CD40: variants seen among roughly 807,000 people sequenced by gnomAD.
CD40 encodes the protein tumor necrosis factor receptor superfamily member 5.
CD40 carries 19 observed loss-of-function variants against 38.5 expected under a neutral mutation model. The ratio of observed to expected loss-of-function variants is 0.49; its 90% confidence interval spans 0.34 to 0.72. The LOEUF is 0.72. CD40 is among the 30% of genes least tolerant of loss of function. CD40 has a pLI of 0.01. For synonymous variants in CD40, 130 were observed against 128.7 expected, an observed-to-expected ratio of 1.01 and a Z score of -0.07; for missense variants, 256 against 344.1, an observed-to-expected ratio of 0.74 and a Z score of 2.03.
At chr20:46,124,925 C>T (rs1011795541) in intron 5 of CD40, among the ~76,000 whole-genome samples, 2 of 151,638 alleles carry the variant, frequency 1.3e-5, no homozygotes, top group Non-Finnish European at 2.9e-5. Flanking sequence ...CGCCACCACA[C>T]CCGGCTAATT....
chr20:46,122,996 G>A lies in CD40; in HGVS notation c.404-130G>A. On this transcript the variant is annotated intron_variant, in intron 4 of 8. Transcript: ENST00000372285. This position sits in a 1 kb window ranked among gnomAD's most constrained non-coding sequence, Gnocchi z 5.0. ...CTCCTGGGGACTGCAGCTGTCGGGG[G>A]CAGTACCACATCGGGGGAAGAGTGC... is the stretch of plus-strand genomic sequence containing the variant. The A allele has an allele frequency of 1.1e-6, 1 of 891,614 alleles. No homozygotes were observed. Among genetic ancestry groups the A allele is most frequent in the Non-Finnish European group, 1.9e-6 (1 of 539,056 alleles). The allele number at this position is 891,614 out of a possible 1,614,324, so 55.2% of individuals were successfully genotyped here.
Position 46,122,685 on chromosome 20 carries a change from G to A in CD40, c.332G>A (p.Cys111Tyr). Residue 111 changes from cysteine (C) to tyrosine (Y), a missense_variant, in exon 4 of 9, where the codon TGT (cysteine) becomes TAT (tyrosine). Transcript: ENST00000372285. This position sits in a 1 kb window ranked among gnomAD's most constrained non-coding sequence, Gnocchi z 5.0. ...TICTCEEGWH[C>Y]TSEACESCVL... ...TGCACCTGTGAAGAAGGCTGGCACT[G>A]TACGAGTGAGGCCTGTGAGAGCTGT... 1 of 1,614,172 alleles carries A rather than the reference G, an allele frequency of 6.2e-7. No individual in the cohort carries two copies. The highest frequency in any genetic ancestry group is 8.5e-7 in the Non-Finnish European group (1 of 1,180,042).
In CD40 at chr20:46,128,940, C is replaced by T. The variant is rs903736094; in HGVS notation, c.734C>T (p.Ser245Phe). The T allele has an allele frequency of 1.2e-6, 2 of 1,614,210 alleles. No individual in the cohort carries two copies. The highest frequency in any genetic ancestry group is 3.3e-5 in the Admixed American group (2 of 60,028). The part of the protein sequence containing the change: ...EINFPDDLPG[S>F]NTAAPVQETL... ...AATTTTCCCGACGATCTTCCTGGCT[C>T]CAACACTGCTGCTCCAGTGCAGGAG... is the stretch of plus-strand genomic sequence containing the variant. Residue 245 changes from serine (S) to phenylalanine (F), a missense_variant, in exon 9 of 9, where the codon TCC becomes TTC. Physicochemically the swap from Ser to Phe is radical, Grantham distance 155. Coordinates refer to ENST00000372285, the MANE Select transcript of CD40 (RefSeq NM_001250.6).
intron 1 of CD40, among the ~76,000 whole-genome samples, chr20:46,121,498 C>A (rs543936321): frequency 2.0e-5 from 3 of 152,182 alleles, no homozygotes; most frequent in Non-Finnish European, 4.4e-5. Context: ...CTGCTGGAGT[C>A]CCCATATCCT....
At chr20:46,125,312 G>A (rs1316094555) in intron 5 of CD40, among the ~76,000 whole-genome samples, 2 of 151,788 alleles carry the variant, frequency 1.3e-5, no homozygotes, top group Non-Finnish European at 1.5e-5. Context: ...TTGGGAGGCC[G>A]AGGAGGGCAG....
chr20:46,126,606 G>A (rs368862151), intron 5 of CD40, 34 bp from the exon 6 acceptor site: 9 of 1,613,058 alleles, frequency 5.6e-6, no homozygotes, highest in Admixed American at 1.7e-5. Context: ...TTCTTTCTCT[G>A]TGTGTGTGCA....
At chr20:46,127,747 TC>T (rs557163302) in intron 6 of CD40, among the ~76,000 whole-genome samples, 64 of 152,252 alleles carry the variant, frequency 4.2e-4, no homozygotes, top group African/African-American at 1.5e-3. Context: ...ATGCTAGACC[TC>T]GGCATTGGGC....
At chr20:46,127,249 C>G (rs184625371) in intron 6 of CD40, 1 of 154,838 alleles carries the variant, frequency 6.5e-6, no homozygotes, top group Non-Finnish European at 1.4e-5. Flanking sequence ...TGCCCTCGGG[C>G]GCAATATTTA....
chr20:46,121,746 A>G, intron 1 of CD40, 74 bp from the exon 2 acceptor site: 1 of 1,112,346 alleles, frequency 9.0e-7, no homozygotes, highest in Non-Finnish European at 1.4e-6. Context: ...GTCCTGGATG[A>G]CTTTTACCTT....
In CD40 at chr20:46,122,943, C is replaced by A; in HGVS notation, c.404-183C>A. 1.1e-6 allele frequency: 1 copy of A among 923,748 alleles called. No homozygotes were observed. The allele number at this position is 923,748 out of a possible 1,614,324, so 57.2% of individuals were successfully genotyped here. On this transcript the variant is annotated intron_variant, in intron 4 of 8. Coordinates refer to ENST00000372285, the MANE Select transcript of CD40 (RefSeq NM_001250.6). This position sits in a 1 kb window ranked among gnomAD's most constrained non-coding sequence, Gnocchi z 5.0. Reference sequence around the variant, plus strand: ...TCATTCTGCCTTCTGCCATGGGGATCTGCCTTTGAAGGGCAATGGGAGAAG... The same window carrying A: ...TCATTCTGCCTTCTGCCATGGGGATATGCCTTTGAAGGGCAATGGGAGAAG...
rs778942629 is a variant in CD40, at chr20:46,118,333, C to T, written c.-11C>T. 1.3e-5 allele frequency: 21 copies of T among 1,613,472 alleles called. No homozygotes were observed. The highest frequency in any genetic ancestry group is 2.2e-5 in the East Asian group (1 of 44,882). Reference sequence around the variant, plus strand: ...GCGCCCAGTGGTCCTGCCGCCTGGTCTCACCTCGCTATGGTTCGTCTGCCT... The same window carrying T: ...GCGCCCAGTGGTCCTGCCGCCTGGTTTCACCTCGCTATGGTTCGTCTGCCT... On this transcript the variant is annotated 5_prime_UTR_variant, in exon 1 of 9. Coordinates refer to ENST00000372285, the MANE Select transcript of CD40 (RefSeq NM_001250.6).
intron 5 of CD40, among the ~76,000 whole-genome samples, chr20:46,126,219 A>G (rs6074028): frequency 0.2 from 16,689 of 84,850 alleles, 1,156 homozygotes; most frequent in South Asian, 0.39. Flanking sequence ...CCACCCCCAC[A>G]CCCCCAGTAA....
At chr20:46,123,623 A>G (rs913632509) in intron 5 of CD40, among the ~76,000 whole-genome samples, 2 of 151,884 alleles carry the variant, frequency 1.3e-5, no homozygotes, top group African/African-American at 4.8e-5. Context: ...AACCCACACC[A>G]GGTCCTGCCA....
At chr20:46,128,532 T>G (rs1268693175) in intron 8 of CD40, 174 bp downstream of exon 8, 3 of 771,896 alleles carry the variant, frequency 3.9e-6, no homozygotes, top group Non-Finnish European at 6.7e-6. Flanking sequence ...CAGAGCTCAA[T>G]CCCCCACAGA....
intron 8 of CD40, chr20:46,128,611 G>T (rs775731299): frequency 7.2e-6 from 5 of 697,360 alleles, no homozygotes; most frequent in Non-Finnish European, 1.3e-5. Flanking sequence ...CATTCAACGC[G>T]TGGGGAGCTG....
At position 46,129,194 on chromosome 20, in the gene CD40, G is replaced by T. The variant is rs1321780339; in HGVS notation, c.*154G>T. ...TGCACCCCTGCAGTTTGAGACAGGA[G>T]ACCTGGCACTGGATGCAGAAACAGT... On this transcript the variant is annotated 3_prime_UTR_variant, in exon 9 of 9. Transcript: ENST00000372285. The T allele has an allele frequency of 2.5e-6, 2 of 787,706 alleles. No individual in the cohort carries two copies. The highest frequency in any genetic ancestry group is 1.7e-5 in the African/African-American group (1 of 59,016). The allele number at this position is 787,706 out of a possible 1,614,324, so 48.8% of individuals were successfully genotyped here. A position where few individuals can be genotyped will look rare whatever the true frequency, so the allele number is the denominator to read the frequency against.
chr20:46,128,077 A>C, intron 6 of CD40, 61 bp from the exon 7 acceptor site: 1 of 1,613,970 alleles, frequency 6.2e-7, no homozygotes, highest in Non-Finnish European at 8.5e-7. Flanking sequence ...AAGTCACAGC[A>C]GGTTGAGGGT....
rs11086998 is a variant in CD40, at chr20:46,128,885, C to G, written c.679C>G (p.Pro227Ala). Reference sequence around the variant, plus strand: ...ACCTCACACCTTGCCTCTCCAGGCCCCCCACCCCAAGCAGGAACCCCAGGA... The same window carrying G: ...ACCTCACACCTTGCCTCTCCAGGCCGCCCACCCCAAGCAGGAACCCCAGGA... ...KVAKKPTNKA[P>A]HPKQEPQEIN... The change falls in exon 9 of 9, where the codon CCC (proline) becomes GCC (alanine). Residue 227 changes from proline (P) to alanine (A), a missense_variant. Transcript: ENST00000372285. 16,824 of 1,614,024 alleles carry G rather than the reference C, an allele frequency of 0.01. 523 individuals carry two copies. The Admixed American group carries it at 0.12, about 11-fold the overall frequency.
rs1409503805 is a variant in CD40, at chr20:46,129,393, C to T, written c.*353C>T. The T allele has an allele frequency of 4.0e-5, 14 of 352,434 alleles. No individual in the cohort carries two copies. The highest frequency in any genetic ancestry group is 9.7e-4 in the Middle Eastern group (1 of 1,036). 21.8% of individuals were successfully genotyped at this position (352,434 alleles called of 1,614,324 possible). The stretch of plus-strand genomic sequence containing the variant: ...GAGAGGCATCATGGTGGCTTCCCTG[C>T]GCCCAGGAAGCCATATACACAGATG... On this transcript the variant is annotated 3_prime_UTR_variant, in exon 9 of 9. Transcript: ENST00000372285.
Sources: gnomAD v4.1 joint callset for allele counts (sites outside exome capture counted in the v4.1 genomes callset) on GRCh38, gnomAD v4.1.1 for gene constraint, Gnocchi (gnomAD v3.1) non-coding constraint, MANE v1.5 for transcripts, NCBI Gene and HGNC (gene_info 2026-07-23, HGNC 2026-07-21) for gene names.